SLC6A11: variants seen among roughly 807,000 people sequenced by gnomAD.
SLC6A11 encodes sodium- and chloride-dependent GABA transporter 3.
In SLC6A11, 25 loss-of-function variants were observed where a neutral mutation model predicts 74.8. The ratio of observed to expected loss-of-function variants is 0.33; its 90% CI spans 0.24 to 0.47. The LOEUF (loss-of-function observed/expected upper bound fraction) is 0.47. SLC6A11 is among the 20% of genes least tolerant of loss of function. The pLI is 1.00. For missense variants in SLC6A11, 574 were observed against 837.0 expected, an observed-to-expected ratio of 0.69 and a Z score of 3.88; for synonymous variants, 330 against 330.2, an observed-to-expected ratio of 1.00 and a Z score of 0.01.
chr3:10,887,895 T>C (rs1695063931), intron 6 of SLC6A11, among the ~76,000 whole-genome samples: 1 of 152,238 alleles, frequency 6.6e-6, no homozygotes, highest in Non-Finnish European at 1.5e-5. Flanking sequence ...TAGGGAATCA[T>C]AAGAAATAAG....
In SLC6A11 at chr3:10,874,947, C is replaced by T. The variant is rs1252727235; in HGVS notation, c.757-14C>T. On this transcript the variant is annotated splice_polypyrimidine_tract_variant and intron_variant, in intron 5 of 13. Transcript: ENST00000254488. ...CACCCCCTTCTTGATTCTGTCCTCT[C>T]CTCTTGTGCACAGGTTGTATACGTG... 6.3e-7 allele frequency: 1 copy of T among 1,596,554 alleles called. No homozygotes were observed. Among genetic ancestry groups the T allele is most frequent in the East Asian group, 2.3e-5 (1 of 44,202 alleles).
At chr3:10,868,842 G>A (rs974977999) in intron 5 of SLC6A11, among the ~76,000 whole-genome samples, 2 of 152,236 alleles carry the variant, frequency 1.3e-5, no homozygotes, top group African/African-American at 4.8e-5. Flanking sequence ...GAAGCACCTT[G>A]CACCTGAACT....
chr3:10,850,390 C>T (rs1254675258), intron 5 of SLC6A11, among the ~76,000 whole-genome samples: 1 of 152,182 alleles, frequency 6.6e-6, no homozygotes, highest in African/African-American at 2.4e-5. Flanking sequence ...TACTGTGTAC[C>T]TGCTATGCCA....
At position 10,904,915 on chromosome 3, in the gene SLC6A11, T is replaced by A. The variant is rs147718381; in HGVS notation, c.892-7175T>A. ...CAATAATACTTACCTAGTAAGATCATTAGCAAATTATGAGATTGTGTACAT... is the reference window on the plus strand; with the variant it reads ...CAATAATACTTACCTAGTAAGATCAATAGCAAATTATGAGATTGTGTACAT... On this transcript the variant is annotated intron_variant, in intron 6 of 13. Coordinates refer to ENST00000254488, the MANE Select transcript of SLC6A11 (RefSeq NM_014229.3). Among the ~76,000 whole-genome samples, 220 of 152,344 alleles carry A rather than the reference T, an allele frequency of 1.4e-3. 1 individual carries two copies. Among genetic ancestry groups the A allele is most frequent in the African/African-American group, 5.0e-3 (208 of 41,580 alleles).
chr3:10,916,959 T>G (rs754742594), intron 7 of SLC6A11, among the ~76,000 whole-genome samples: 2 of 152,182 alleles, frequency 1.3e-5, no homozygotes, highest in Non-Finnish European at 2.9e-5. Flanking sequence ...AAGAACAACA[T>G]TAATGTAACC....
chr3:10,880,246 G>A (rs1056697562), intron 6 of SLC6A11, among the ~76,000 whole-genome samples: 1 of 152,192 alleles, frequency 6.6e-6, no homozygotes, highest in Non-Finnish European at 1.5e-5. Context: ...TCTCTTTGTA[G>A]TGTTGTCCTC....
At chr3:10,817,431 G>A (rs1694078165) in intron 1 of SLC6A11, among the ~76,000 whole-genome samples, 1 of 152,176 alleles carries the variant, frequency 6.6e-6, no homozygotes, top group Non-Finnish European at 1.5e-5. Flanking sequence ...CAGGGAAGGG[G>A]CTCCAGCCTT....
chr3:10,839,641 T>C (rs1694412199), intron 4 of SLC6A11, among the ~76,000 whole-genome samples: 1 of 152,206 alleles, frequency 6.6e-6, no homozygotes, highest in African/African-American at 2.4e-5. Context: ...TCTCCCAGGA[T>C]ACCCCAAAGG....
chr3:10,817,847 C>G (rs960729686), intron 1 of SLC6A11, among the ~76,000 whole-genome samples: 3 of 152,160 alleles, frequency 2.0e-5, no homozygotes, highest in Non-Finnish European at 4.4e-5. Context: ...TTGGAGACCC[C>G]CAACGTGCCC....
chr3:10,831,768 C>T (rs1424310591), intron 4 of SLC6A11, among the ~76,000 whole-genome samples: 1 of 152,188 alleles, frequency 6.6e-6, no homozygotes, highest in Admixed American at 6.5e-5. Flanking sequence ...ATGAACCCTC[C>T]TGTTTGTGTA....
intron 4 of SLC6A11, among the ~76,000 whole-genome samples, chr3:10,837,440 G>T (rs923202323): frequency 1.3e-5 from 2 of 152,140 alleles, no homozygotes; most frequent in African/African-American, 4.8e-5. Context: ...CCAAGACAGG[G>T]CAGTGGTTCT....
intron 7 of SLC6A11, among the ~76,000 whole-genome samples, chr3:10,914,325 A>G (rs1201995801): frequency 6.6e-6 from 1 of 152,126 alleles, no homozygotes; most frequent in Non-Finnish European, 1.5e-5. Context: ...GAGCTAGCTT[A>G]GCGGTCACAT....
At chr3:10,865,181 G>T (rs919675689) in intron 5 of SLC6A11, among the ~76,000 whole-genome samples, 2 of 152,230 alleles carry the variant, frequency 1.3e-5, no homozygotes, top group Non-Finnish European at 2.9e-5. Context: ...CAGATGCTTT[G>T]CAGAGTGATC....
intron 6 of SLC6A11, among the ~76,000 whole-genome samples, chr3:10,893,330 C>A (rs543039080): frequency 1.3e-5 from 2 of 152,142 alleles, no homozygotes; most frequent in Admixed American, 6.5e-5. Context: ...TCTCTTGACT[C>A]GTGGAAGACT....
At chr3:10,873,614 GCTATC>G (rs1297032009) in intron 5 of SLC6A11, among the ~76,000 whole-genome samples, 1 of 98,436 alleles carries the variant, frequency 1.0e-5, no homozygotes, top group Non-Finnish European at 1.9e-5. Context: ...CCTATGCCAT[GCTATC>G]CTATCCTATC....
At chr3:10,936,519 A>G (rs1460974357) in intron 13 of SLC6A11, among the ~76,000 whole-genome samples, 3 of 151,312 alleles carry the variant, frequency 2.0e-5, no homozygotes, top group Non-Finnish European at 4.4e-5. Flanking sequence ...GCTGCACCCA[A>G]CCCACCTGCC....
chr3:10,907,905 A>G (rs1695331665), intron 6 of SLC6A11, among the ~76,000 whole-genome samples: 1 of 152,256 alleles, frequency 6.6e-6, no homozygotes, highest in Non-Finnish European at 1.5e-5. Flanking sequence ...TTGACTGGAA[A>G]GGTATTAACA....
chr3:10,844,447 C>A (rs1442859144), intron 5 of SLC6A11, 101 bp downstream of exon 5: 33 of 1,456,908 alleles, frequency 2.3e-5, no homozygotes, highest in Non-Finnish European at 2.8e-5. Flanking sequence ...GAGGCCAGCA[C>A]TTAAGTTGGG....
chr3:10,821,320 G>C (rs1694135252), intron 3 of SLC6A11, among the ~76,000 whole-genome samples: 1 of 152,166 alleles, frequency 6.6e-6, no homozygotes, highest in South Asian at 2.1e-4. Flanking sequence ...CTTTATGCAT[G>C]TTTATAATTT....
Sources: gnomAD v4.1 joint callset for allele counts (sites outside exome capture counted in the v4.1 genomes callset) on GRCh38, gnomAD v4.1.1 for gene constraint, MANE v1.5 for transcripts, NCBI Gene and HGNC (gene_info 2026-07-23, HGNC 2026-07-21) for gene names.